Variants in NDUFA12 observed in about 807,000 individuals in gnomAD.
The protein encoded by NDUFA12 is NADH dehydrogenase [ubiquinone] 1 alpha subcomplex subunit 12.
Under a neutral mutation model 20.3 loss-of-function variants are expected in NDUFA12, and 17 were observed. That is an observed-to-expected ratio of 0.84 (90% CI 0.57 to 1.26). NDUFA12 has a LOEUF of 1.26. Among genes scored for constraint, NDUFA12 ranks in the 50% most tolerant of loss-of-function variants. NDUFA12 has a pLI of 0.00. For missense variants in NDUFA12, 191 were observed against 183.7 expected (o/e 1.04, Z -0.23); for synonymous variants, 72 against 63.6 (o/e 1.13, Z -0.63).
chr12:94,994,228 CAGT>C lies in NDUFA12; in HGVS notation c.196_198del (p.Thr66del), dbSNP rs1364019060. 1.2e-6 allele frequency: 2 copies of C among 1,614,182 alleles called. No homozygotes were observed. Among genetic ancestry groups the C allele is most frequent in the Non-Finnish European group, 1.7e-6 (2 of 1,180,024 alleles). ...CAGAATGTGTTTTTGCCATTCATTT[CAGT>C]AGTATATACAACCCATCGGTGACGG... is the stretch of plus-strand genomic sequence containing the variant. On this transcript the variant is annotated inframe_deletion, in exon 3 of 4. Coordinates refer to ENST00000327772, the MANE Select transcript of NDUFA12 (RefSeq NM_018838.5).
intron 3 of NDUFA12, among the ~76,000 whole-genome samples, chr12:94,978,242 G>A (rs1874122477): frequency 2.0e-5 from 3 of 152,198 alleles, no homozygotes; most frequent in Admixed American, 2.0e-4. Flanking sequence ...TCATCACTTA[G>A]CATGTTGGGA....
At chr12:94,988,513 C>T (rs1005175002) in intron 3 of NDUFA12, among the ~76,000 whole-genome samples, 2 of 152,108 alleles carry the variant, frequency 1.3e-5, no homozygotes, top group Non-Finnish European at 2.9e-5. Flanking sequence ...GACAAAAAGC[C>T]GAAGTATGTA....
chr12:95,000,675 G>A (rs1348750849), intron 2 of NDUFA12, among the ~76,000 whole-genome samples: 2 of 152,180 alleles, frequency 1.3e-5, no homozygotes, highest in African/African-American at 2.4e-5. Context: ...TGGAGGGGCA[G>A]AATGTTGAAT....
chr12:95,000,215 T>A (rs561400637), intron 2 of NDUFA12, among the ~76,000 whole-genome samples: 6 of 152,254 alleles, frequency 3.9e-5, no homozygotes, highest in Admixed American at 3.9e-4. Context: ...CTAAGTGAAG[T>A]AACTCAGGAA....
chr12:94,977,133 G>C (rs2136059449), intron 3 of NDUFA12, among the ~76,000 whole-genome samples: 1 of 152,298 alleles, frequency 6.6e-6, no homozygotes, highest in East Asian at 1.9e-4. Context: ...ACATTAGGAA[G>C]GACTTACTTT....
chr12:94,994,128 A>G (rs762939977), intron 3 of NDUFA12, 42 bp downstream of exon 3: 2 of 1,586,268 alleles, frequency 1.3e-6, no homozygotes, highest in Non-Finnish European at 1.7e-6. Flanking sequence ...TGTCTCAAAA[A>G]AGAAAAAAAA....
intron 3 of NDUFA12, among the ~76,000 whole-genome samples, chr12:94,977,343 G>A (rs566566312): frequency 8.5e-4 from 130 of 152,128 alleles, no homozygotes; most frequent in African/African-American, 3.1e-3. Flanking sequence ...GTGGTGGCAT[G>A]CACCTATACT....
chr12:94,979,142 T>C (rs998432478), intron 3 of NDUFA12, among the ~76,000 whole-genome samples: 2 of 151,962 alleles, frequency 1.3e-5, no homozygotes, highest in South Asian at 2.1e-4. Flanking sequence ...GCAGGGGGGA[T>C]GCTTGAGCCC....
chr12:95,003,290 A>T (rs1875124255), intron 1 of NDUFA12, among the ~76,000 whole-genome samples: 1 of 152,154 alleles, frequency 6.6e-6, no homozygotes, highest in South Asian at 2.1e-4. Flanking sequence ...CAGGGAAAAA[A>T]ACTTTACCAG....
intron 3 of NDUFA12, among the ~76,000 whole-genome samples, chr12:94,983,005 G>A (rs1236141103): frequency 6.6e-6 from 1 of 152,034 alleles, no homozygotes; most frequent in African/African-American, 2.4e-5. Context: ...CAACAGGCTA[G>A]TTTTCAACTG....
In NDUFA12 at chr12:94,984,487, G is replaced by A. The variant is rs188015789; in HGVS notation, c.257+9683C>T. 6.3e-3 allele frequency among the ~76,000 whole-genome samples: 950 copies of A among 151,586 alleles called. 11 individuals carry two copies. Among genetic ancestry groups the A allele is most frequent in the African/African-American group, 0.022 (902 of 41,262 alleles). ...GAGGTTGCGGTTGAGCTGAGATTGC[G>A]CCATTGCACTCCAGCCTGGGCAGTA... On this transcript the variant is annotated intron_variant, in intron 3 of 3. Coordinates refer to ENST00000327772, the MANE Select transcript of NDUFA12 (RefSeq NM_018838.5).
intron 2 of NDUFA12, among the ~76,000 whole-genome samples, chr12:94,996,324 TACACACACACAC>T (rs71075891): frequency 1.6e-4 from 22 of 141,274 alleles, no homozygotes; most frequent in South Asian, 2.4e-4. Context: ...CATATATAGG[TACACACACACAC>T]ACACACACAC....
intron 2 of NDUFA12, among the ~76,000 whole-genome samples, chr12:94,996,210 TAAAAG>T (rs897175459): frequency 7.9e-5 from 12 of 151,594 alleles, no homozygotes; most frequent in South Asian, 2.1e-4. Flanking sequence ...TGTCTCGAAA[TAAAAG>T]AAAAGAATTT....
intron 3 of NDUFA12, among the ~76,000 whole-genome samples, chr12:94,993,729 G>GT (rs1018511036): frequency 2.0e-5 from 3 of 149,276 alleles, no homozygotes; most frequent in African/African-American, 7.4e-5. Context: ...GAGGTCAGGA[G>GT]TTCGAGACCA....
At chr12:94,998,547 G>C (rs1874912299) in intron 2 of NDUFA12, among the ~76,000 whole-genome samples, 1 of 152,142 alleles carries the variant, frequency 6.6e-6, no homozygotes, top group Admixed American at 6.6e-5. Flanking sequence ...AACTGTCGCT[G>C]TTTGTTGATG....
At chr12:95,003,406 A>G (rs539625658) in intron 1 of NDUFA12, among the ~76,000 whole-genome samples, 189 bp downstream of exon 1, 145 of 152,206 alleles carry the variant, frequency 9.5e-4, no homozygotes, top group African/African-American at 3.4e-3. Context: ...CTCTACAGAT[A>G]GCTTCGGTCT....
At chr12:94,988,230 A>G (rs1243634913) in intron 3 of NDUFA12, among the ~76,000 whole-genome samples, 1 of 152,146 alleles carries the variant, frequency 6.6e-6, no homozygotes. Flanking sequence ...AAAAAGCCCT[A>G]AGAGGATAAG....
intron 3 of NDUFA12, among the ~76,000 whole-genome samples, chr12:94,975,653 A>G (rs1043618255): frequency 3.9e-5 from 6 of 152,234 alleles, no homozygotes; most frequent in African/African-American, 7.2e-5. Flanking sequence ...AGCTTTATTT[A>G]TAACAGTGAA....
At chr12:94,982,725 C>T (rs1310117413) in intron 3 of NDUFA12, among the ~76,000 whole-genome samples, 1 of 152,112 alleles carries the variant, frequency 6.6e-6, no homozygotes, top group African/African-American at 2.4e-5. Context: ...TTCAGGATTC[C>T]CTTTCCCACA....
Sources: allele counts gnomAD v4.1 joint callset (sites outside exome capture counted in the v4.1 genomes callset), GRCh38; gene constraint gnomAD v4.1.1; transcripts MANE v1.5; gene names NCBI Gene and HGNC (gene_info 2026-07-23, HGNC 2026-07-21).